Variants in PIBF1 observed in about 807,000 individuals in gnomAD.
PIBF1 encodes progesterone immunomodulatory binding factor 1, also known as progesterone-induced-blocking factor 1.
In PIBF1, 90 loss-of-function variants were observed where a neutral mutation model predicts 112.5. The observed-to-expected ratio is 0.80, with a 90% CI of 0.67 to 0.95. The LOEUF is 0.95. Among genes scored for constraint, PIBF1 ranks in the 40% least tolerant of loss-of-function variants. The pLI, the probability that PIBF1 is intolerant of heterozygous loss-of-function variation, is 0.00. For synonymous variants in PIBF1, 301 were observed against 288.6 expected, an observed-to-expected ratio of 1.04 and a Z score of -0.44; for missense variants, 915 against 852.3, an observed-to-expected ratio of 1.07 and a Z score of -0.92.
At chr13:72,867,098 TG>T (rs1372430125) in intron 10 of PIBF1, among the ~76,000 whole-genome samples, 1 of 152,206 alleles carries the variant, frequency 6.6e-6, no homozygotes, top group African/African-American at 2.4e-5. Flanking sequence ...TCTTATGTGT[TG>T]TGGGAGGGAC....
chr13:72,810,583 T>C (rs1403882982), intron 5 of PIBF1, among the ~76,000 whole-genome samples: 1 of 152,216 alleles, frequency 6.6e-6, no homozygotes, highest in Non-Finnish European at 1.5e-5. Flanking sequence ...AACATATTTG[T>C]TTATTAAAGT....
intron 16 of PIBF1, among the ~76,000 whole-genome samples, chr13:72,981,075 T>C (rs1401544743): frequency 2.0e-5 from 3 of 151,340 alleles, no homozygotes; most frequent in East Asian, 3.9e-4. Context: ...TGAAACCCTG[T>C]CTCTACTAAA....
intron 14 of PIBF1, among the ~76,000 whole-genome samples, chr13:72,939,104 A>G (rs1009552854): frequency 6.6e-6 from 1 of 152,146 alleles, no homozygotes; most frequent in African/African-American, 2.4e-5. Flanking sequence ...ATTTTCTCCC[A>G]TTCTGTGTGG....
intron 13 of PIBF1, among the ~76,000 whole-genome samples, chr13:72,922,102 C>T (rs1359406007): frequency 1.3e-5 from 2 of 152,074 alleles, no homozygotes; most frequent in African/African-American, 4.8e-5. Flanking sequence ...TTCTATCTTC[C>T]TGAGTAGCTA....
In PIBF1 at chr13:72,883,421, A is replaced by G. The variant is rs117574798; in HGVS notation, c.1323-10363A>G. On this transcript the variant is annotated intron_variant, in intron 10 of 17. Coordinates refer to ENST00000326291, the MANE Select transcript of PIBF1 (RefSeq NM_006346.4). ...AATAAGATTTATTTGGAAGCACAAC[A>G]TGGTGACTATAGTCAGTAAGAATTT... is the stretch of plus-strand genomic sequence containing the variant. Among the ~76,000 whole-genome samples the G allele has an allele frequency of 8.7e-3, 1,321 of 152,290 alleles. 68 individuals are homozygous for G. Among genetic ancestry groups the G allele is most frequent in the East Asian group, 9.5e-3 (49 of 5,180 alleles).
intron 16 of PIBF1, among the ~76,000 whole-genome samples, chr13:72,982,129 G>A (rs1446143057): frequency 6.6e-6 from 1 of 152,050 alleles, no homozygotes; most frequent in Non-Finnish European, 1.5e-5. Flanking sequence ...CTGTGTCAAG[G>A]GTCTTTTTAA....
chr13:72,980,300 A>G (rs775889917), intron 16 of PIBF1, among the ~76,000 whole-genome samples: 1 of 152,192 alleles, frequency 6.6e-6, no homozygotes, highest in Non-Finnish European at 1.5e-5. Context: ...GAGTACCAGC[A>G]TTTAAGGGAA....
chr13:72,962,596 CAAA>C (rs56918554), intron 14 of PIBF1, among the ~76,000 whole-genome samples: 9 of 132,948 alleles, frequency 6.8e-5, no homozygotes, highest in South Asian at 4.9e-4. Flanking sequence ...GTCCCTGTCT[CAAA>C]AAAAAAAAAA....
intron 16 of PIBF1, among the ~76,000 whole-genome samples, chr13:72,980,253 A>C (rs2043123744): frequency 6.6e-6 from 1 of 152,208 alleles, no homozygotes; most frequent in South Asian, 2.1e-4. Context: ...GACTATATAG[A>C]GTAAGAACAG....
intron 10 of PIBF1, among the ~76,000 whole-genome samples, chr13:72,890,604 A>G (rs1280436513): frequency 1.3e-5 from 2 of 152,102 alleles, no homozygotes; most frequent in Non-Finnish European, 2.9e-5. Context: ...TCTGTGGAAA[A>G]TTTTACCTCT....
intron 10 of PIBF1, among the ~76,000 whole-genome samples, chr13:72,869,337 A>G (rs1352461647): frequency 1.3e-5 from 2 of 151,896 alleles, no homozygotes; most frequent in Non-Finnish European, 2.9e-5. Flanking sequence ...GAAATTGGAA[A>G]TCATCATTCT....
chr13:72,792,460 A>G lies in PIBF1; in HGVS notation c.266A>G (p.Glu89Gly). ...VDYLTKIEELEEKLNDALHQK... is the reference protein window; with the variant it reads ...VDYLTKIEELGEKLNDALHQK... ...CTCTTTACGAAGATTGAAGAATTGG[A>G]GGAGAAACTTAATGATGCACTTCAC... The change falls in exon 3 of 18, where the codon GAG (glutamate) becomes GGG (glycine). Residue 89 changes from glutamate (E) to glycine (G), a missense_variant. Transcript: ENST00000326291. The G allele has an allele frequency of 6.4e-7, 1 of 1,555,392 alleles. No individual in the cohort carries two copies. Among genetic ancestry groups the G allele is most frequent in the Non-Finnish European group, 8.7e-7 (1 of 1,150,468 alleles).
chr13:72,911,849 G>A (rs1594179638), intron 12 of PIBF1, among the ~76,000 whole-genome samples: 1 of 152,116 alleles, frequency 6.6e-6, no homozygotes, highest in African/African-American at 2.4e-5. Flanking sequence ...TCCATGTCCT[G>A]TTGGGCATAG....
chr13:72,929,126 TAAA>T (rs891518993), intron 13 of PIBF1, among the ~76,000 whole-genome samples: 5 of 151,930 alleles, frequency 3.3e-5, no homozygotes, highest in African/African-American at 1.2e-4. Flanking sequence ...CACAAAAAGA[TAAA>T]AAAAAGTTAA....
chr13:73,007,081 T>G (rs1259686778), intron 17 of PIBF1, among the ~76,000 whole-genome samples: 1 of 151,518 alleles, frequency 6.6e-6, no homozygotes, highest in Admixed American at 6.6e-5. Context: ...CTTCATATTA[T>G]GAAGCCTATA....
chr13:72,844,764 C>CTT (rs368403113), intron 9 of PIBF1, among the ~76,000 whole-genome samples: 3 of 107,966 alleles, frequency 2.8e-5, no homozygotes, highest in Admixed American at 2.6e-4. Flanking sequence ...CACACACACA[C>CTT]ACACACACAC....
intron 14 of PIBF1, among the ~76,000 whole-genome samples, chr13:72,948,044 C>G (rs56181102): frequency 0.056 from 8,567 of 151,792 alleles, 745 homozygotes; most frequent in African/African-American, 0.19. Context: ...CACATGGACA[C>G]AGGGAGGGGA....
chr13:72,845,688 A>G (rs1161520771), intron 9 of PIBF1, among the ~76,000 whole-genome samples: 1 of 152,148 alleles, frequency 6.6e-6, no homozygotes, highest in Non-Finnish European at 1.5e-5. Context: ...GGCTTTTAAT[A>G]ATTGCCATTT....
chr13:72,813,709 A>G (rs117528065), intron 5 of PIBF1, among the ~76,000 whole-genome samples: 3,202 of 152,334 alleles, frequency 0.021, 50 homozygotes, highest in Non-Finnish European at 0.035. Flanking sequence ...ACTTCTTAGG[A>G]TGTAACTTCA....
Sources: allele counts gnomAD v4.1 joint callset (sites outside exome capture counted in the v4.1 genomes callset), GRCh38; gene constraint gnomAD v4.1.1; transcripts MANE v1.5; gene names NCBI Gene and HGNC (gene_info 2026-07-23, HGNC 2026-07-21).